The following PLEKHA8 variants were observed in gnomAD, a reference collection of about 807,000 sequenced individuals.
PLEKHA8 encodes the protein pleckstrin homology domain-containing family A member 8.
In PLEKHA8, 36 loss-of-function variants were observed where a neutral mutation model predicts 68.2. The observed-to-expected ratio is 0.53, with a 90% CI of 0.40 to 0.70. PLEKHA8 has a LOEUF of 0.70. Among genes scored for constraint, PLEKHA8 ranks in the 30% least tolerant of loss-of-function variants. The probability of loss-of-function intolerance (pLI) is 0.00; values close to 1 mark genes in which losing one functional copy is unlikely to be tolerated. For synonymous variants in PLEKHA8, 211 were observed against 216.1 expected, an observed-to-expected ratio of 0.98 and a Z score of 0.20; for missense variants, 505 against 615.4, an observed-to-expected ratio of 0.82 and a Z score of 1.90.
At chr7:30,110,646 A>G (rs1479663373) in intron 13 of PLEKHA8, among the ~76,000 whole-genome samples, 1 of 152,226 alleles carries the variant, frequency 6.6e-6, no homozygotes, top group East Asian at 1.9e-4. Context: ...GCAGCAATAT[A>G]TAAGGGATTC....
At chr7:30,073,763 GGATCACCT>G (rs1384084114) in intron 12 of PLEKHA8, among the ~76,000 whole-genome samples, 1 of 151,988 alleles carries the variant, frequency 6.6e-6, no homozygotes, top group Non-Finnish European at 1.5e-5. Flanking sequence ...CAAGGTGGGA[GGATCACCT>G]GAGCCCAGGA....
At chr7:30,047,987 T>C in intron 4 of PLEKHA8, 31 bp downstream of exon 4, 1 of 1,168,952 alleles carries the variant, frequency 8.6e-7, no homozygotes, top group Non-Finnish European at 1.1e-6. Context: ...ATTATTAATA[T>C]ACATGAATAA....
intron 12 of PLEKHA8, among the ~76,000 whole-genome samples, chr7:30,065,794 A>G (rs1793806683): frequency 6.6e-6 from 1 of 152,238 alleles, no homozygotes; most frequent in Non-Finnish European, 1.5e-5. Flanking sequence ...TCTCCAGTGA[A>G]TAAACTGAGG....
At chr7:30,098,701 A>T (rs1795729861) in intron 13 of PLEKHA8, among the ~76,000 whole-genome samples, 1 of 152,204 alleles carries the variant, frequency 6.6e-6, no homozygotes, top group Non-Finnish European at 1.5e-5. Flanking sequence ...TTAGGGTGGG[A>T]GTGACCCGAT....
At chr7:30,047,139 C>T (rs1562860859) in intron 3 of PLEKHA8, among the ~76,000 whole-genome samples, 1 of 152,152 alleles carries the variant, frequency 6.6e-6, no homozygotes, top group Admixed American at 6.6e-5. Flanking sequence ...CATAAATTGG[C>T]CTCTTCTTTT....
At chr7:30,069,253 C>T (rs1217953390) in intron 12 of PLEKHA8, among the ~76,000 whole-genome samples, 5 of 152,204 alleles carry the variant, frequency 3.3e-5, no homozygotes, top group African/African-American at 1.2e-4. Context: ...GTTCCTAATT[C>T]TTGCCTCAGA....
At chr7:30,034,030 T>C (rs1001914243) in intron 1 of PLEKHA8, among the ~76,000 whole-genome samples, 1 of 128,040 alleles carries the variant, frequency 7.8e-6, no homozygotes, top group African/African-American at 3.0e-5. Flanking sequence ...TTTTTTTTTT[T>C]TTTTTTTTTT....
chr7:30,086,827 G>A (rs138557456), downstream of PLEKHA8, among the ~76,000 whole-genome samples: 14 of 152,246 alleles, frequency 9.2e-5, no homozygotes, highest in Non-Finnish European at 2.1e-4. Context: ...TATGATATGA[G>A]CACATGTCCT....
intron 9 of PLEKHA8, among the ~76,000 whole-genome samples, chr7:30,056,724 CAAA>C (rs1195453987): frequency 3.8e-4 from 15 of 39,860 alleles, no homozygotes; most frequent in African/African-American, 5.1e-4. Context: ...CAGCCTGTCT[CAAA>C]AAAAAAAAAA....
In PLEKHA8 at chr7:30,081,233, T is replaced by A; in HGVS notation, c.*2446T>A. 1 of 985,376 alleles carries A rather than the reference T, an allele frequency of 1.0e-6. No homozygotes were observed. The highest frequency in any genetic ancestry group is 1.2e-6 in the Non-Finnish European group (1 of 829,880). 61.0% of individuals were successfully genotyped at this position (985,376 alleles called of 1,614,324 possible). ...TTTCCAATTACCCTTTTTCCACATC[T>A]GTAGAAAGAGGGTAATATTTTTTAA... On this transcript the variant is annotated 3_prime_UTR_variant, in exon 14 of 14. Transcript: ENST00000449726.
At chr7:30,115,961 T>TACATAC (rs1796495991) in intron 13 of PLEKHA8, 1 of 139,260 alleles carries the variant, frequency 7.2e-6, no homozygotes, top group Admixed American at 7.0e-5. Context: ...CATACATGCA[T>TACATAC]GCATACATGT....
intron 4 of PLEKHA8, 34 bp downstream of exon 4, chr7:30,047,990 A>G (rs912140103): frequency 6.1e-6 from 7 of 1,153,742 alleles, no homozygotes; most frequent in South Asian, 2.8e-5. Context: ...ATTAATATAC[A>G]TGAATAATAT....
In PLEKHA8 at chr7:30,083,090, GT is replaced by G; in HGVS notation, c.*4304del. 2.0e-6 allele frequency: 2 copies of G among 983,628 alleles called. No individual in the cohort carries two copies. The highest frequency in any genetic ancestry group is 2.4e-6 in the Non-Finnish European group (2 of 828,472). The allele number at this position is 983,628 out of a possible 1,614,324, so 60.9% of individuals were successfully genotyped here. On this transcript the variant is annotated 3_prime_UTR_variant, in exon 14 of 14. Transcript: ENST00000449726. Reference sequence around the variant, plus strand: ...AAATTTTTAGATGTAGAGTTTATAAGTAAAATATATTTTTAGCCATTGTTCT... The same window carrying G: ...AAATTTTTAGATGTAGAGTTTATAAGAAAATATATTTTTAGCCATTGTTCT...
chr7:30,071,139 C>A (rs1306220504), intron 12 of PLEKHA8, among the ~76,000 whole-genome samples: 1 of 152,114 alleles, frequency 6.6e-6, no homozygotes, highest in Non-Finnish European at 1.5e-5. Flanking sequence ...AAAATATTTT[C>A]CTTATTTTCA....
chr7:30,043,086 CG>C (rs201337601), intron 1 of PLEKHA8, among the ~76,000 whole-genome samples: 1,751 of 152,230 alleles, frequency 0.012, 21 homozygotes, highest in East Asian at 0.04. Flanking sequence ...ACTGCAGCCT[CG>C]ACCTTCCAGG....
At chr7:30,061,547 A>G (rs1177095567) in intron 10 of PLEKHA8, among the ~76,000 whole-genome samples, 1 of 152,202 alleles carries the variant, frequency 6.6e-6, no homozygotes, top group Non-Finnish European at 1.5e-5. Context: ...ACCTTTCTTT[A>G]TTGTATTTAG....
At chr7:30,120,685 T>C (rs887325769) in intron 13 of PLEKHA8, among the ~76,000 whole-genome samples, 24 of 152,170 alleles carry the variant, frequency 1.6e-4, no homozygotes, top group African/African-American at 5.1e-4. Flanking sequence ...TCAGGTCTAG[T>C]TTGGGTGAAA....
chr7:30,053,881 T>C (rs1224170338), intron 7 of PLEKHA8, among the ~76,000 whole-genome samples: 1 of 152,230 alleles, frequency 6.6e-6, no homozygotes, highest in East Asian at 1.9e-4. Flanking sequence ...AAAATTTTTG[T>C]CTACCAATCA....
intron 12 of PLEKHA8, among the ~76,000 whole-genome samples, chr7:30,065,082 T>C (rs192141820): frequency 6.6e-6 from 1 of 152,272 alleles, no homozygotes; most frequent in East Asian, 1.9e-4. Context: ...TCATCAAATG[T>C]TGTACTTGAT....
Sources: gnomAD v4.1 joint callset for allele counts (sites outside exome capture counted in the v4.1 genomes callset) on GRCh38, gnomAD v4.1.1 for gene constraint, MANE v1.5 for transcripts, NCBI Gene and HGNC (gene_info 2026-07-23, HGNC 2026-07-21) for gene names.